Variants in TBC1D1 observed in about 807,000 individuals in gnomAD.
TBC1D1 encodes the protein TBC1 domain family member 1, also known as TBC1 (tre-2/USP6, BUB2, cdc16) domain family, member 1.
Under a neutral mutation model 125.6 loss-of-function variants are expected in TBC1D1, and 89 were observed. The observed-to-expected ratio is 0.71, with a 90% CI of 0.60 to 0.85. The LOEUF (loss-of-function observed/expected upper bound fraction) is 0.85, where lower values mean the gene tolerates loss of function less well. TBC1D1 is among the 40% of genes least tolerant of loss of function. The pLI is 0.00. For synonymous variants in TBC1D1, 565 were observed against 564.1 expected (o/e 1.00, Z -0.02); for missense variants, 1,377 against 1,469.2 (o/e 0.94, Z 1.03).
intron 2 of TBC1D1, among the ~76,000 whole-genome samples, chr4:37,905,491 TA>T: frequency 6.6e-6 from 1 of 152,304 alleles, no homozygotes; most frequent in Middle Eastern, 3.4e-3. Context: ...GGTGGATGCC[TA>T]ATGATTTCCC....
intron 18 of TBC1D1, 59 bp from the exon 21 acceptor site, chr4:38,133,025 C>T: frequency 1.3e-6 from 2 of 1,517,160 alleles, no homozygotes; most frequent in Non-Finnish European, 1.8e-6. Flanking sequence ...CAGACGCCTG[C>T]CTGTACTTGT....
chr4:38,135,920 G>GTA (rs1298787207), intron 19 of TBC1D1, among the ~76,000 whole-genome samples: 1 of 95,498 alleles, frequency 1.0e-5, no homozygotes, highest in Non-Finnish European at 2.2e-5. Flanking sequence ...ACGTGTGTGT[G>GTA]TATATGTGTG....
chr4:37,895,919 C>T (rs1031666610), intron 1 of TBC1D1, among the ~76,000 whole-genome samples: 9 of 152,110 alleles, frequency 5.9e-5, no homozygotes, highest in African/African-American at 1.2e-4. Context: ...ACACTGCTCC[C>T]GTTGGGGTGG....
At chr4:38,042,326 C>T (rs1023587961) in intron 8 of TBC1D1, among the ~76,000 whole-genome samples, 3 of 152,208 alleles carry the variant, frequency 2.0e-5, no homozygotes, top group Admixed American at 1.3e-4. Context: ...GCGATGTCAG[C>T]TCACTGCAAT....
rs751510933 is a variant in TBC1D1, at chr4:38,137,129, C to A, written c.3307-6C>A. The stretch of plus-strand genomic sequence containing the variant: ...TTGTATTCTCATTTCTTCTTTTATT[C>A]TCCAGGTGGCAAATGGTAGGATCCA... On this transcript the variant is annotated splice_polypyrimidine_tract_variant and splice_region_variant and intron_variant, in intron 19 of 19. Transcript: ENST00000261439. 17 of 1,613,150 alleles carry A rather than the reference C, an allele frequency of 1.1e-5. No homozygotes were observed. Among genetic ancestry groups the A allele is most frequent in the Non-Finnish European group, 1.4e-5 (17 of 1,179,990 alleles).
intron 2 of TBC1D1, among the ~76,000 whole-genome samples, chr4:37,979,574 A>T: frequency 6.6e-6 from 1 of 152,230 alleles, no homozygotes; most frequent in East Asian, 1.9e-4. Context: ...TGAAGTTGTT[A>T]TATTTGACTT....
At position 38,028,719 on chromosome 4, in the gene TBC1D1, A is replaced by G. The variant is rs77751728; in HGVS notation, c.1302+840A>G. On this transcript the variant is annotated intron_variant, in intron 7 of 19. Coordinates refer to ENST00000261439, the MANE Select transcript of TBC1D1 (RefSeq NM_015173.4). ...TGGAAAGCGCCTCAGGCTGGGAGAC[A>G]GAAGGTCCGGCCTCTGGTCCGCATG... is the stretch of plus-strand genomic sequence containing the variant. 5.6e-3 allele frequency among the ~76,000 whole-genome samples: 846 copies of G among 152,356 alleles called. 3 individuals carry two copies. Among genetic ancestry groups the G allele is most frequent in the Non-Finnish European group, 0.011 (729 of 68,032 alleles).
At chr4:38,029,832 T>C (rs1004176382) in intron 7 of TBC1D1, among the ~76,000 whole-genome samples, 5 of 152,262 alleles carry the variant, frequency 3.3e-5, no homozygotes, top group African/African-American at 1.2e-4. Context: ...TTGCATTTTC[T>C]TGTTTTCTTC....
chr4:38,117,963 G>T (rs1763243392), intron 16 of TBC1D1, 70 bp from the exon 19 acceptor site: 12 of 1,421,622 alleles, frequency 8.4e-6, no homozygotes, highest in South Asian at 1.2e-5. Flanking sequence ...CCCACCCTGT[G>T]AGCAGTAGGC....
chr4:37,926,691 G>A (rs935507842), intron 2 of TBC1D1, among the ~76,000 whole-genome samples: 8 of 152,208 alleles, frequency 5.3e-5, no homozygotes, highest in Non-Finnish European at 2.9e-5. Flanking sequence ...AGGCTACTTG[G>A]ACGTGGACAT....
rs1553939943 is a variant in TBC1D1 at position 38,107,601 on chromosome 4, T to TG, written c.2557+4446dup. Among the ~76,000 whole-genome samples the TG allele has an allele frequency of 1.6e-3, 208 of 131,942 alleles. 14 individuals carry two copies. The highest frequency in any genetic ancestry group is 8.2e-3 in the East Asian group (25 of 3,036). The allele number at this position is 131,942 out of a possible 152,430, so 86.6% of individuals were successfully genotyped here. On this transcript the variant is annotated intron_variant, in intron 15 of 19. Transcript: ENST00000261439. ...GGTTTTTTTTTTTTTTTTTTTTTTT[T>TG]GGCAATGTGTTTTCCTCCAAAGAGT... is the stretch of plus-strand genomic sequence containing the variant.
At chr4:37,916,550 G>C (rs1719779143) in intron 2 of TBC1D1, among the ~76,000 whole-genome samples, 1 of 152,138 alleles carries the variant, frequency 6.6e-6, no homozygotes, top group East Asian at 1.9e-4. Context: ...GTTGTGAAAA[G>C]ACAGCACAGC....
intron 6 of TBC1D1, among the ~76,000 whole-genome samples, chr4:38,024,905 C>T (rs1744773935): frequency 1.3e-5 from 2 of 152,162 alleles, no homozygotes; most frequent in Non-Finnish European, 1.5e-5. Flanking sequence ...GTAGTTAAGT[C>T]ATCCCCCAGA....
intron 12 of TBC1D1, among the ~76,000 whole-genome samples, chr4:38,055,348 A>G (rs1751515963): frequency 1.3e-5 from 2 of 152,206 alleles, no homozygotes; most frequent in South Asian, 4.1e-4. Flanking sequence ...GCTGTGAACT[A>G]GAATAAACTG....
chr4:37,924,396 G>A (rs369847265), intron 2 of TBC1D1, among the ~76,000 whole-genome samples: 3 of 152,072 alleles, frequency 2.0e-5, no homozygotes, highest in Admixed American at 6.5e-5. Flanking sequence ...ACATAAATCC[G>A]TCATTTTAAC....
intron 2 of TBC1D1, among the ~76,000 whole-genome samples, chr4:37,907,209 A>ATC (rs1009206251): frequency 5.3e-5 from 8 of 152,240 alleles, no homozygotes; most frequent in African/African-American, 1.9e-4. Context: ...ACTGCTACAT[A>ATC]GTAGGAAAAT....
chr4:38,087,084 TCAAA>T (rs1238261231), intron 12 of TBC1D1, among the ~76,000 whole-genome samples: 1 of 152,134 alleles, frequency 6.6e-6, no homozygotes, highest in Non-Finnish European at 1.5e-5. Context: ...GTTGTAAGAA[TCAAA>T]CAAGCTTATT....
At chr4:37,919,567 T>C (rs762907515) in intron 2 of TBC1D1, among the ~76,000 whole-genome samples, 27 of 152,056 alleles carry the variant, frequency 1.8e-4, no homozygotes, top group South Asian at 4.1e-4. Flanking sequence ...TTAAGACTCA[T>C]ATGTGATCAC....
At chr4:38,092,728 C>G (rs1323260197) in intron 13 of TBC1D1, among the ~76,000 whole-genome samples, 1 of 148,540 alleles carries the variant, frequency 6.7e-6, no homozygotes, top group Non-Finnish European at 1.5e-5. Flanking sequence ...CAGTGAGACT[C>G]CATCTTAAAA....
Sources: gnomAD v4.1 joint callset for allele counts (sites outside exome capture counted in the v4.1 genomes callset) on GRCh38, gnomAD v4.1.1 for gene constraint, MANE v1.5 for transcripts, NCBI Gene and HGNC (gene_info 2026-07-23, HGNC 2026-07-21) for gene names.